Variants in ANAPC10 observed in about 807,000 individuals in gnomAD.
The protein encoded by ANAPC10 is anaphase promoting complex subunit 10.
In ANAPC10, 12 loss-of-function variants were observed where a neutral mutation model predicts 22.0. The ratio of observed to expected loss-of-function variants is 0.55; its 90% CI spans 0.35 to 0.88. The LOEUF (loss-of-function observed/expected upper bound fraction) is 0.88, where lower values mean the gene tolerates loss of function less well. Ranked by LOEUF, ANAPC10 falls within the 40% of genes least tolerant of loss-of-function variation. The probability of loss-of-function intolerance (pLI) is 0.01; values close to 1 mark genes in which losing one functional copy is unlikely to be tolerated. For missense variants in ANAPC10, 188 were observed against 220.9 expected, an observed-to-expected ratio of 0.85 and a Z score of 0.94; for synonymous variants, 65 against 69.5, an observed-to-expected ratio of 0.94 and a Z score of 0.32.
intron 4 of ANAPC10, among the ~76,000 whole-genome samples, chr4:145,008,800 ACCACT>A (rs1274468232): frequency 1.3e-5 from 2 of 152,198 alleles, no homozygotes; most frequent in Non-Finnish European, 2.9e-5. Context: ...GCCCTCTCTC[ACCACT>A]CCTATTCAAC....
chr4:145,096,104 A>T lies in ANAPC10; in HGVS notation c.-5T>A. The T allele has an allele frequency of 6.2e-7, 1 of 1,613,466 alleles. No homozygotes were observed. Among genetic ancestry groups the T allele is most frequent in the Non-Finnish European group, 8.5e-7 (1 of 1,179,856 alleles). On this transcript the variant is annotated 5_prime_UTR_variant, in exon 2 of 5. Transcript: ENST00000507656. Reference sequence around the variant, plus strand: ...TGTCTTGTTTGGTGTAGTCATTTTTAAAATATTCTATGTAGAAAACAAGAA... The same window carrying T: ...TGTCTTGTTTGGTGTAGTCATTTTTTAAATATTCTATGTAGAAAACAAGAA...
intron 4 of ANAPC10, among the ~76,000 whole-genome samples, chr4:145,026,370 C>A (rs1013465173): frequency 1.8e-4 from 28 of 151,876 alleles, no homozygotes; most frequent in Admixed American, 5.2e-4. Flanking sequence ...TAGTAATAAA[C>A]GTAATCGATA....
At chr4:145,044,623 T>C (rs1740018675) in intron 4 of ANAPC10, among the ~76,000 whole-genome samples, 1 of 152,118 alleles carries the variant, frequency 6.6e-6, no homozygotes, top group Non-Finnish European at 1.5e-5. Flanking sequence ...AGTGTTTCTA[T>C]TATACTGACA....
intron 2 of ANAPC10, among the ~76,000 whole-genome samples, chr4:145,092,747 G>A (rs114755322): frequency 2.9e-4 from 44 of 152,210 alleles, no homozygotes; most frequent in African/African-American, 9.6e-4. Context: ...AAAGCAAAAC[G>A]TTCTACCCTC....
At chr4:145,028,039 TA>T (rs1370722038) in intron 4 of ANAPC10, among the ~76,000 whole-genome samples, 30 of 152,198 alleles carry the variant, frequency 2.0e-4, no homozygotes, top group African/African-American at 7.0e-4. Flanking sequence ...GAAATATCTG[TA>T]AGAGAAAATG....
chr4:145,024,709 G>A (rs970620697), intron 4 of ANAPC10, among the ~76,000 whole-genome samples: 1 of 152,158 alleles, frequency 6.6e-6, no homozygotes, highest in Admixed American at 6.6e-5. Flanking sequence ...GAGTAGAACA[G>A]ATTTAGCATA....
At chr4:145,010,092 T>G (rs1734058091) in intron 4 of ANAPC10, among the ~76,000 whole-genome samples, 1 of 152,074 alleles carries the variant, frequency 6.6e-6, no homozygotes, top group African/African-American at 2.4e-5. Flanking sequence ...TCACTGGCCA[T>G]CAGAGAAATG....
At position 145,034,830 on chromosome 4, in the gene ANAPC10, C is replaced by A. The variant is rs7695561; in HGVS notation, c.327+29742G>T. On this transcript the variant is annotated intron_variant, in intron 4 of 4. Coordinates refer to ENST00000507656, the MANE Select transcript of ANAPC10 (RefSeq NM_001256706.2). ...TGAAACTGTCTGTCAGATGACTCAA[C>A]GTCTCCCAGGAATGAGCCTGCTTTA... 4.4e-3 allele frequency among the ~76,000 whole-genome samples: 666 copies of A among 151,928 alleles called. 3 individuals carry two copies. The highest frequency in any genetic ancestry group is 0.015 in the African/African-American group (611 of 41,438).
At chr4:145,017,636 A>G (rs1338806504) in intron 4 of ANAPC10, among the ~76,000 whole-genome samples, 1 of 152,138 alleles carries the variant, frequency 6.6e-6, no homozygotes, top group African/African-American at 2.4e-5. Flanking sequence ...ACCCAAAGGA[A>G]TATAAATCAT....
chr4:145,037,262 T>A (rs1319818122), intron 4 of ANAPC10, among the ~76,000 whole-genome samples: 2 of 152,196 alleles, frequency 1.3e-5, no homozygotes, highest in Non-Finnish European at 2.9e-5. Context: ...GAATTGTATG[T>A]ATGGCAGGTA....
At chr4:145,002,121 C>T (rs772979978) in intron 4 of ANAPC10, among the ~76,000 whole-genome samples, 2 of 152,126 alleles carry the variant, frequency 1.3e-5, no homozygotes, top group Non-Finnish European at 2.9e-5. Flanking sequence ...TCTGTAGAAT[C>T]TTACTACGAG....
intron 4 of ANAPC10, among the ~76,000 whole-genome samples, chr4:145,020,974 C>T (rs191827005): frequency 1.4e-3 from 215 of 152,082 alleles, no homozygotes; most frequent in Non-Finnish European, 2.5e-3. Flanking sequence ...GAAACACATC[C>T]CATGTTCATG....
rs1741573818 is a variant in ANAPC10 at position 145,054,206 on chromosome 4, C to G, written c.327+10366G>C. The stretch of plus-strand genomic sequence containing the variant: ...ACAGGCCTGAGCCACCGTGCCCAGC[C>G]TGATTACTACTGTTTTAATCAGCAA... On this transcript the variant is annotated intron_variant, in intron 4 of 4. Coordinates refer to ENST00000507656, the MANE Select transcript of ANAPC10 (RefSeq NM_001256706.2). Among the ~76,000 whole-genome samples, 3 of 151,676 alleles carry G rather than the reference C, an allele frequency of 2.0e-5. No individual in the cohort carries two copies. In the South Asian group the frequency reaches 6.3e-4, roughly 32 times the overall value.
intron 3 of ANAPC10, among the ~76,000 whole-genome samples, chr4:145,073,963 T>A (rs1744843072): frequency 6.6e-6 from 1 of 151,930 alleles, no homozygotes; most frequent in Non-Finnish European, 1.5e-5. Flanking sequence ...TCAGTATTTA[T>A]CCTTTTAAAT....
intron 4 of ANAPC10, 111 bp from the exon 5 acceptor site, chr4:144,995,714 G>C: frequency 1.3e-6 from 1 of 743,918 alleles, no homozygotes; most frequent in South Asian, 2.0e-5. Flanking sequence ...CTCAACGAAA[G>C]AATGACAATA....
chr4:145,083,122 C>T (rs560458051), intron 2 of ANAPC10, among the ~76,000 whole-genome samples: 43 of 152,078 alleles, frequency 2.8e-4, no homozygotes, highest in Admixed American at 6.6e-4. Flanking sequence ...TTTTACCATA[C>T]GAATATTTAT....
At chr4:145,079,763 G>A (rs1169474369) in intron 3 of ANAPC10, among the ~76,000 whole-genome samples, 1 of 152,136 alleles carries the variant, frequency 6.6e-6, no homozygotes, top group Admixed American at 6.5e-5. Flanking sequence ...CATCCTAAGA[G>A]AACACAGAAA....
At chr4:145,066,897 T>G (rs1015598475) in intron 3 of ANAPC10, among the ~76,000 whole-genome samples, 1 of 152,210 alleles carries the variant, frequency 6.6e-6, no homozygotes, top group African/African-American at 2.4e-5. Flanking sequence ...CAAAACTTCC[T>G]TTTAATTAAT....
intron 4 of ANAPC10, among the ~76,000 whole-genome samples, chr4:145,055,684 C>A (rs1019137824): frequency 6.6e-6 from 1 of 151,996 alleles, no homozygotes; most frequent in African/African-American, 2.4e-5. Flanking sequence ...TATGATTTCA[C>A]TTATATGAGG....
Sources: gnomAD v4.1 joint callset for allele counts (sites outside exome capture counted in the v4.1 genomes callset) on GRCh38, gnomAD v4.1.1 for gene constraint, MANE v1.5 for transcripts, NCBI Gene and HGNC (gene_info 2026-07-23, HGNC 2026-07-21) for gene names.